Variants in SLC9A2 observed in about 807,000 individuals in gnomAD.
SLC9A2 encodes the protein sodium/hydrogen exchanger 2.
A neutral mutation model predicts 71.7 loss-of-function variants in SLC9A2; 42 were observed. The ratio of observed to expected loss-of-function variants is 0.59; its 90% confidence interval spans 0.46 to 0.76. The LOEUF is 0.76. Among genes scored for constraint, SLC9A2 ranks in the 30% least tolerant of loss-of-function variants. The pLI is 0.00. For missense variants in SLC9A2, 829 were observed against 1,017.4 expected (o/e 0.81, Z 2.52); for synonymous variants, 396 against 392.5 (o/e 1.01, Z -0.10).
intron 1 of SLC9A2, among the ~76,000 whole-genome samples, chr2:102,620,897 G>A (rs560664028): frequency 3.3e-4 from 50 of 152,198 alleles, no homozygotes; most frequent in Admixed American, 9.2e-4. Context: ...TTGGCCGGGC[G>A]AGGTGATTCA....
At position 102,708,578 on chromosome 2, in the gene SLC9A2, A is replaced by T; in HGVS notation, c.*89A>T. On this transcript the variant is annotated 3_prime_UTR_variant, in exon 12 of 12. Coordinates refer to ENST00000233969, the MANE Select transcript of SLC9A2 (RefSeq NM_003048.6). ...CCTGATGCAACAGTGGAATCCATGTAAAACTCTCTGTGCATCTAAATACTT... is the reference window on the plus strand; with the variant it reads ...CCTGATGCAACAGTGGAATCCATGTTAAACTCTCTGTGCATCTAAATACTT... 1 of 1,447,354 alleles carries T rather than the reference A, an allele frequency of 6.9e-7. No homozygotes were observed. 89.7% of individuals were successfully genotyped at this position (1,447,354 alleles called of 1,614,324 possible).
intron 1 of SLC9A2, among the ~76,000 whole-genome samples, chr2:102,644,904 C>T (rs72997651): frequency 0.051 from 7,809 of 152,306 alleles, 608 homozygotes; most frequent in African/African-American, 0.17. Context: ...TGCCTGCCAG[C>T]GCTGAAGAGA....
intron 7 of SLC9A2, among the ~76,000 whole-genome samples, chr2:102,698,282 C>G: frequency 6.6e-6 from 1 of 152,144 alleles, no homozygotes; most frequent in African/African-American, 2.4e-5. Context: ...TTATTCAGAG[C>G]CCTCTAGTAT....
chr2:102,639,877 T>A (rs1177252391), intron 1 of SLC9A2, among the ~76,000 whole-genome samples: 1 of 152,170 alleles, frequency 6.6e-6, no homozygotes, highest in Non-Finnish European at 1.5e-5. Flanking sequence ...TTAATGAAAT[T>A]GAGACAAACA....
chr2:102,649,388 C>T (rs1573407308), intron 1 of SLC9A2, among the ~76,000 whole-genome samples: 2 of 152,126 alleles, frequency 1.3e-5, no homozygotes, highest in African/African-American at 4.8e-5. Flanking sequence ...AAAACCGAGG[C>T]AATACCATTC....
rs1290177575 is a variant in SLC9A2, at chr2:102,706,411, G to A, written c.2068+475G>A. 4.0e-5 allele frequency among the ~76,000 whole-genome samples: 6 copies of A among 151,546 alleles called. No individual in the cohort carries two copies. The East Asian group carries it at 1.2e-3, about 29-fold the overall frequency. On this transcript the variant is annotated intron_variant, in intron 11 of 11. Transcript: ENST00000233969. ...GGACACAGGAAGGGGAACATCACACGCCAGGGCCTGTTGTGGGGTCGGGGG... is the reference window on the plus strand; with the variant it reads ...GGACACAGGAAGGGGAACATCACACACCAGGGCCTGTTGTGGGGTCGGGGG...
chr2:102,672,176 G>C (rs996955768), intron 3 of SLC9A2, among the ~76,000 whole-genome samples: 1 of 151,964 alleles, frequency 6.6e-6, no homozygotes, highest in African/African-American at 2.4e-5. Context: ...AGTAGGAAAA[G>C]GATTCTAGAA....
chr2:102,700,007 T>TTTAACATATGAATTTAGACTTTA (rs1438341351), intron 7 of SLC9A2, among the ~76,000 whole-genome samples: 1 of 152,158 alleles, frequency 6.6e-6, no homozygotes. Context: ...TAGTCTGAGC[T>TTTAACATATGAATTTAGACTTTA]ACTGGGGATT....
intron 1 of SLC9A2, among the ~76,000 whole-genome samples, chr2:102,654,174 C>T (rs998155411): frequency 5.6e-5 from 8 of 142,708 alleles, no homozygotes; most frequent in Admixed American, 1.4e-4. Context: ...AGGGGACTGG[C>T]GATGCTGCTG....
intron 7 of SLC9A2, among the ~76,000 whole-genome samples, chr2:102,698,390 T>C (rs1677807564): frequency 1.3e-5 from 2 of 152,232 alleles, no homozygotes; most frequent in South Asian, 4.1e-4. Flanking sequence ...GGTGATCACG[T>C]AGTACACTTA....
Position 102,688,339 on chromosome 2 carries a change from C to T in SLC9A2, c.1425+4003C>T, listed in dbSNP as rs563264152. 5.9e-5 allele frequency among the ~76,000 whole-genome samples: 9 copies of T among 152,244 alleles called. No individual in the cohort carries two copies. The South Asian group carries it at 1.7e-3, about 28-fold the overall frequency. ...ACTTAGCTGTAAAATCTAGACAATG[C>T]TCCAGGCAGCTCAGGGGAAATATGT... On this transcript the variant is annotated intron_variant, in intron 5 of 11. Transcript: ENST00000233969.
At chr2:102,623,367 G>A (rs1027940531) in intron 1 of SLC9A2, among the ~76,000 whole-genome samples, 3 of 152,086 alleles carry the variant, frequency 2.0e-5, no homozygotes, top group African/African-American at 7.2e-5. Context: ...GGTGCCTGGG[G>A]TATTTTCTCC....
At chr2:102,676,799 T>C (rs185082526) in intron 3 of SLC9A2, among the ~76,000 whole-genome samples, 2 of 152,356 alleles carry the variant, frequency 1.3e-5, no homozygotes, top group East Asian at 1.9e-4. Context: ...CTTTAATCAA[T>C]ACAGAAAAAG....
At chr2:102,682,751 A>G (rs1677477924) in intron 3 of SLC9A2, among the ~76,000 whole-genome samples, 1 of 152,182 alleles carries the variant, frequency 6.6e-6, no homozygotes, top group African/African-American at 2.4e-5. Flanking sequence ...AGAATCGAAA[A>G]CAGTTGTTGA....
intron 3 of SLC9A2, among the ~76,000 whole-genome samples, chr2:102,674,815 T>C (rs1677319459): frequency 6.6e-6 from 1 of 152,242 alleles, no homozygotes; most frequent in Non-Finnish European, 1.5e-5. Flanking sequence ...TGCCTAAGCA[T>C]TTCTCTCTCT....
chr2:102,685,732 G>T (rs978032589), intron 5 of SLC9A2, among the ~76,000 whole-genome samples: 1 of 152,088 alleles, frequency 6.6e-6, no homozygotes, highest in African/African-American at 2.4e-5. Context: ...TGGCAGAGGT[G>T]GGGGTGGGGA....
chr2:102,660,431 A>G (rs1293601678), intron 2 of SLC9A2, among the ~76,000 whole-genome samples: 1 of 152,228 alleles, frequency 6.6e-6, no homozygotes, highest in South Asian at 2.1e-4. Context: ...CAGACCCACA[A>G]GATATCAGGG....
At chr2:102,684,074 T>C (rs572887158) in intron 4 of SLC9A2, 60 bp from the exon 5 acceptor site, 5 of 1,204,936 alleles carry the variant, frequency 4.1e-6, no homozygotes, top group Non-Finnish European at 4.9e-6. Context: ...AATGAGTCTA[T>C]GTATTTTCAT....
chr2:102,661,243 T>C (rs1025478129), intron 2 of SLC9A2, among the ~76,000 whole-genome samples: 9 of 152,226 alleles, frequency 5.9e-5, no homozygotes, highest in Admixed American at 4.6e-4. Context: ...CCACTGAATA[T>C]TCTAATAAAT....
Sources: gnomAD v4.1 joint callset for allele counts (sites outside exome capture counted in the v4.1 genomes callset) on GRCh38, gnomAD v4.1.1 for gene constraint, MANE v1.5 for transcripts, NCBI Gene and HGNC (gene_info 2026-07-23, HGNC 2026-07-21) for gene names.